The following FBXL7 variants were observed in gnomAD, a reference collection of about 807,000 sequenced individuals.
The protein encoded by FBXL7 is F-box/LRR-repeat protein 7.
In FBXL7, 12 loss-of-function variants were observed where a neutral mutation model predicts 38.3. That is an observed-to-expected ratio of 0.31 (90% CI 0.20 to 0.51). The LOEUF is 0.51. Ranked by LOEUF, FBXL7 falls within the 20% of genes least tolerant of loss-of-function variation. FBXL7 has a pLI of 0.98. For synonymous variants in FBXL7, 297 were observed against 300.9 expected, an observed-to-expected ratio of 0.99 and a Z score of 0.13; for missense variants, 567 against 676.4, an observed-to-expected ratio of 0.84 and a Z score of 1.79.
intron 2 of FBXL7, among the ~76,000 whole-genome samples, chr5:15,764,521 C>A (rs564783449): frequency 1.3e-5 from 2 of 152,236 alleles, no homozygotes; most frequent in South Asian, 4.2e-4. Flanking sequence ...TAAAGGTTAG[C>A]GTGTGTGCCC....
chr5:15,923,658 T>G (rs1741803807), intron 2 of FBXL7, among the ~76,000 whole-genome samples: 1 of 152,194 alleles, frequency 6.6e-6, no homozygotes, highest in Non-Finnish European at 1.5e-5. Context: ...AATTATCAGG[T>G]ACTATTTATT....
intron 3 of FBXL7, among the ~76,000 whole-genome samples, chr5:15,930,773 G>C (rs917386201): frequency 3.3e-5 from 5 of 152,202 alleles, no homozygotes; most frequent in African/African-American, 1.2e-4. Flanking sequence ...CCACATATGG[G>C]AGAAAGTTTC....
intron 1 of FBXL7, among the ~76,000 whole-genome samples, chr5:15,529,088 G>A (rs1018622128): frequency 2.7e-4 from 41 of 152,118 alleles, no homozygotes; most frequent in African/African-American, 7.9e-4. Flanking sequence ...TTCTACCCCC[G>A]GCACCTGGTA....
intron 2 of FBXL7, among the ~76,000 whole-genome samples, chr5:15,719,762 A>G (rs1172442524): frequency 6.0e-5 from 9 of 149,036 alleles, no homozygotes; most frequent in Non-Finnish European, 1.3e-4. Context: ...ACTAAAGGAA[A>G]CATCAGACAT....
chr5:15,564,864 C>G (rs1046101403), intron 1 of FBXL7, among the ~76,000 whole-genome samples: 1 of 152,046 alleles, frequency 6.6e-6, no homozygotes, highest in African/African-American at 2.4e-5. Context: ...TAATGATGCA[C>G]AGCACTGATA....
At chr5:15,599,700 T>G (rs950583657) in intron 1 of FBXL7, among the ~76,000 whole-genome samples, 1 of 152,136 alleles carries the variant, frequency 6.6e-6, no homozygotes, top group Non-Finnish European at 1.5e-5. Context: ...GCTCCCCCAG[T>G]TATTAAGGGA....
chr5:15,622,708 T>G (rs1740694955), intron 2 of FBXL7, among the ~76,000 whole-genome samples: 1 of 152,266 alleles, frequency 6.6e-6, no homozygotes, highest in East Asian at 1.9e-4. Context: ...TTTGCTTATT[T>G]TATTTTTATT....
At position 15,936,912 on chromosome 5, in the gene FBXL7, G is replaced by T. The variant is rs1742210619; in HGVS notation, c.1202G>T (p.Cys401Phe). Residue 401 changes from cysteine to phenylalanine, a missense_variant, in exon 4 of 4, where the codon TGC (cysteine) becomes TTC (phenylalanine). Physicochemically the swap from Cys to Phe is radical, Grantham distance 205. Coordinates refer to ENST00000504595, the MANE Select transcript of FBXL7 (RefSeq NM_012304.5). This position sits in a 1 kb window ranked among gnomAD's most constrained non-coding sequence, Gnocchi z 6.0. ...DHGVEYLAKN[C>F]TKLKSLDIGK... The stretch of plus-strand genomic sequence containing the variant: ...GGTGTGGAGTACCTCGCCAAGAACT[G>T]CACCAAACTCAAATCCCTGGATATC... 2 of 1,613,936 alleles carry T rather than the reference G, an allele frequency of 1.2e-6. No homozygotes were observed. The highest frequency in any genetic ancestry group is 2.2e-5 in the South Asian group (2 of 91,086).
intron 1 of FBXL7, among the ~76,000 whole-genome samples, chr5:15,594,382 C>T (rs754413844): frequency 5.3e-5 from 8 of 152,156 alleles, no homozygotes; most frequent in Non-Finnish European, 8.8e-5. Context: ...GGGCGGTCCA[C>T]GCTAGAAAAC....
intron 2 of FBXL7, among the ~76,000 whole-genome samples, chr5:15,660,805 G>C (rs1223310447): frequency 6.6e-6 from 1 of 152,178 alleles, no homozygotes; most frequent in Non-Finnish European, 1.5e-5. Context: ...CATAGCCAAG[G>C]TGGGCTGTTA....
chr5:15,522,169 A>T (rs1737114831), intron 1 of FBXL7, among the ~76,000 whole-genome samples: 1 of 152,036 alleles, frequency 6.6e-6, no homozygotes, highest in African/African-American at 2.4e-5. Context: ...TTACTATTTT[A>T]TTATTCTTCC....
chr5:15,580,222 G>A (rs1305068561), intron 1 of FBXL7, among the ~76,000 whole-genome samples: 1 of 152,128 alleles, frequency 6.6e-6, no homozygotes, highest in African/African-American at 2.4e-5. Flanking sequence ...TAAACCAGGA[G>A]GAGGGCTCTC....
chr5:15,828,541 C>T (rs1241762790), intron 2 of FBXL7, among the ~76,000 whole-genome samples: 1 of 152,114 alleles, frequency 6.6e-6, no homozygotes, highest in Non-Finnish European at 1.5e-5. Context: ...ATATAAATCC[C>T]CTCCAGCTGG....
At chr5:15,890,759 C>T (rs1485112508) in intron 2 of FBXL7, among the ~76,000 whole-genome samples, 1 of 152,132 alleles carries the variant, frequency 6.6e-6, no homozygotes, top group Non-Finnish European at 1.5e-5. Context: ...TTCTAAGGCT[C>T]ATCTGAAAAT....
intron 2 of FBXL7, among the ~76,000 whole-genome samples, chr5:15,836,317 G>A (rs1449712227): frequency 3.3e-5 from 5 of 152,106 alleles, no homozygotes; most frequent in Admixed American, 6.5e-5. Flanking sequence ...GAAGGAAGAC[G>A]GACAATAAGA....
At chr5:15,721,688 C>T (rs1744198476) in intron 2 of FBXL7, among the ~76,000 whole-genome samples, 1 of 152,090 alleles carries the variant, frequency 6.6e-6, no homozygotes, top group Non-Finnish European at 1.5e-5. Flanking sequence ...TCTGAGCTCT[C>T]CTTTATAGTT....
chr5:15,927,638 G>T (rs1198996727), intron 2 of FBXL7, among the ~76,000 whole-genome samples: 1 of 151,912 alleles, frequency 6.6e-6, no homozygotes, highest in African/African-American at 2.4e-5. Flanking sequence ...AGCCGGCCGT[G>T]GTGGCGCATG....
intron 2 of FBXL7, among the ~76,000 whole-genome samples, chr5:15,633,190 G>T (rs1224680768): frequency 2.0e-5 from 3 of 152,146 alleles, no homozygotes; most frequent in African/African-American, 7.2e-5. Flanking sequence ...TCCTATGAGT[G>T]TTAGGATTAT....
chr5:15,888,478 C>T (rs906936490), intron 2 of FBXL7, among the ~76,000 whole-genome samples: 9 of 152,104 alleles, frequency 5.9e-5, no homozygotes, highest in African/African-American at 1.7e-4. Flanking sequence ...ATCTGCCGAC[C>T]TCAGCCTCCC....
Sources: gnomAD v4.1 joint callset for allele counts (sites outside exome capture counted in the v4.1 genomes callset) on GRCh38, gnomAD v4.1.1 for gene constraint, Gnocchi (gnomAD v3.1) non-coding constraint, MANE v1.5 for transcripts, NCBI Gene and HGNC (gene_info 2026-07-23, HGNC 2026-07-21) for gene names.